The following FEZ1 variants were observed in gnomAD, a reference collection of about 807,000 sequenced individuals.
The protein encoded by FEZ1 is fasciculation and elongation protein zeta 1.
FEZ1 carries 20 observed loss-of-function variants against 49.3 expected under a neutral mutation model. The ratio of observed to expected loss-of-function variants is 0.41; its 90% CI spans 0.29 to 0.59. The LOEUF is 0.59. Ranked by LOEUF, FEZ1 falls within the 20% of genes least tolerant of loss-of-function variation. The probability of loss-of-function intolerance (pLI) is 0.36; values close to 1 mark genes in which losing one functional copy is unlikely to be tolerated. For synonymous variants in FEZ1, 170 were observed against 180.9 expected, an observed-to-expected ratio of 0.94 and a Z score of 0.48; for missense variants, 413 against 476.0, an observed-to-expected ratio of 0.87 and a Z score of 1.23.
intron 2 of FEZ1, among the ~76,000 whole-genome samples, chr11:125,487,747 C>T (rs1957338565): frequency 6.6e-6 from 1 of 152,196 alleles, no homozygotes; most frequent in South Asian, 2.1e-4. Context: ...GCTATTATCA[C>T]TCATCTAGTT....
At position 125,489,280 on chromosome 11, in the gene FEZ1, T is replaced by A. The variant is rs989311062; in HGVS notation, c.311+187A>T. The A allele has an allele frequency of 7.3e-6, 9 of 1,232,696 alleles. No individual in the cohort carries two copies. The African/African-American group carries it at 1.1e-4, about 15-fold the overall frequency. 76.4% of individuals were successfully genotyped at this position (1,232,696 alleles called of 1,614,324 possible). A position where few individuals can be genotyped will look rare whatever the true frequency, so the allele number is the denominator to read the frequency against. ...CTAAGGTTTCAATTTAAGAAAGTTC[T>A]CCTCAGGGGACTGTAAAGGGACATA... On this transcript the variant is annotated intron_variant, in intron 2 of 9. Transcript: ENST00000278919. This position sits in a 1 kb window ranked among gnomAD's most constrained non-coding sequence, Gnocchi z 4.2.
intron 7 of FEZ1, chr11:125,452,704 A>G (rs1194282964): frequency 8.6e-6 from 3 of 349,958 alleles, no homozygotes; most frequent in South Asian, 1.8e-4. Context: ...AAAGCAGAGA[A>G]TAAATCCAAG....
At chr11:125,481,751 T>C (rs1171548441) in intron 2 of FEZ1, 118 bp from the exon 3 acceptor site, 4 of 759,262 alleles carry the variant, frequency 5.3e-6, no homozygotes, top group Admixed American at 2.0e-5. Flanking sequence ...TGAGATCATC[T>C]GCCTTCCAGC....
intron 3 of FEZ1, among the ~76,000 whole-genome samples, chr11:125,476,128 G>C (rs1957230488): frequency 6.6e-6 from 1 of 152,202 alleles, no homozygotes; most frequent in East Asian, 1.9e-4. Flanking sequence ...GCAGATAAGT[G>C]GTTGCCCAGA....
intron 2 of FEZ1, among the ~76,000 whole-genome samples, chr11:125,485,298 G>GA: frequency 6.6e-6 from 1 of 152,178 alleles, no homozygotes; most frequent in East Asian, 1.9e-4. Context: ...GCCACAGAGA[G>GA]CAGGGGCTTT....
intron 7 of FEZ1, 54 bp from the exon 8 acceptor site, chr11:125,452,463 G>T (rs765413775): frequency 2.5e-6 from 3 of 1,209,226 alleles, no homozygotes; most frequent in Non-Finnish European, 3.7e-6. Flanking sequence ...GCTTCCTCTG[G>T]GTTGAGATTT....
At chr11:125,454,089 G>T in intron 7 of FEZ1, 41 bp downstream of exon 7, 1 of 1,451,004 alleles carries the variant, frequency 6.9e-7, no homozygotes, top group Admixed American at 1.8e-5. Flanking sequence ...CAAGCTGCAG[G>T]AGTCTAGGAA....
At chr11:125,474,194 T>A (rs1481930703) in intron 3 of FEZ1, among the ~76,000 whole-genome samples, 2 of 60,074 alleles carry the variant, frequency 3.3e-5, no homozygotes, top group Non-Finnish European at 1.1e-4. Flanking sequence ...CAGGCTAATT[T>A]TTTTTTTTTT....
chr11:125,480,650 A>G (rs756780133), intron 3 of FEZ1, among the ~76,000 whole-genome samples: 1 of 152,082 alleles, frequency 6.6e-6, no homozygotes, highest in Non-Finnish European at 1.5e-5. Flanking sequence ...TTTTTAAACC[A>G]CCATTATTTG....
At chr11:125,458,692 T>C (rs573839541) in intron 5 of FEZ1, among the ~76,000 whole-genome samples, 1 of 152,336 alleles carries the variant, frequency 6.6e-6, no homozygotes, top group South Asian at 2.1e-4. Flanking sequence ...TACATTAAAT[T>C]ATTGTCATGG....
intron 5 of FEZ1, 82 bp downstream of exon 5, chr11:125,460,416 G>T: frequency 1.6e-6 from 2 of 1,265,868 alleles, no homozygotes; most frequent in Non-Finnish European, 2.2e-6. Flanking sequence ...GGTTCTATTA[G>T]CCATGTACAA....
At chr11:125,480,832 G>T (rs575980551) in intron 3 of FEZ1, among the ~76,000 whole-genome samples, 2 of 152,230 alleles carry the variant, frequency 1.3e-5, no homozygotes, top group African/African-American at 4.8e-5. Flanking sequence ...GGGGTCAGGA[G>T]ATCAAGACCA....
chr11:125,493,670 T>G (rs1372820714), intron 1 of FEZ1, among the ~76,000 whole-genome samples: 3 of 152,250 alleles, frequency 2.0e-5, no homozygotes, highest in African/African-American at 7.2e-5. Flanking sequence ...TTTTAGCATC[T>G]TTTTTACTAA....
chr11:125,447,443 G>A (rs184620750), intron 9 of FEZ1, among the ~76,000 whole-genome samples: 1 of 152,268 alleles, frequency 6.6e-6, no homozygotes, highest in Non-Finnish European at 1.5e-5. Flanking sequence ...GCAACCTACT[G>A]ATCTTTATTG....
intron 2 of FEZ1, among the ~76,000 whole-genome samples, chr11:125,482,974 T>TA (rs56169482): frequency 0.08 from 2,305 of 28,806 alleles, 175 homozygotes; most frequent in Middle Eastern, 0.12. Context: ...CAAGACACTG[T>TA]AAAAAAAAAA....
chr11:125,478,535 C>T (rs1429676219), intron 3 of FEZ1, among the ~76,000 whole-genome samples: 2 of 152,160 alleles, frequency 1.3e-5, no homozygotes, highest in Non-Finnish European at 2.9e-5. Flanking sequence ...ATTCAGCATG[C>T]CAAGCGCTTT....
At chr11:125,459,306 T>C (rs1827292643) in intron 5 of FEZ1, among the ~76,000 whole-genome samples, 3 of 151,886 alleles carry the variant, frequency 2.0e-5, no homozygotes, top group Non-Finnish European at 4.4e-5. Flanking sequence ...AAAATAGTTT[T>C]CTAGGCCGGG....
rs1565307273 is a variant in FEZ1, at chr11:125,493,489, G to GAAA, written c.-46+2631_-46+2632insTTT. 7.2e-4 allele frequency among the ~76,000 whole-genome samples: 36 copies of GAAA among 49,678 alleles called. 1 individual carries two copies. The highest frequency in any genetic ancestry group is 2.3e-3 in the South Asian group (3 of 1,306). 32.6% of individuals were successfully genotyped at this position (49,678 alleles called of 152,430 possible). ...AGGAAAGAAGGAAAGAAGGAAAGAAGGAAAGAAAGAAAGAAAGAGAGAAAG... is the reference window on the plus strand; with the variant it reads ...AGGAAAGAAGGAAAGAAGGAAAGAAGAAAGAAAGAAAGAAAGAAAGAGAGAAAG... On this transcript the variant is annotated intron_variant, in intron 1 of 9. Transcript: ENST00000278919.
chr11:125,477,064 A>G (rs1268178645), intron 3 of FEZ1, among the ~76,000 whole-genome samples: 1 of 152,186 alleles, frequency 6.6e-6, no homozygotes, highest in Non-Finnish European at 1.5e-5. Flanking sequence ...TGTTTTCAAG[A>G]AAAAAACATG....
Sources: gnomAD v4.1 joint callset for allele counts (sites outside exome capture counted in the v4.1 genomes callset) on GRCh38, gnomAD v4.1.1 for gene constraint, Gnocchi (gnomAD v3.1) non-coding constraint, MANE v1.5 for transcripts, NCBI Gene and HGNC (gene_info 2026-07-23, HGNC 2026-07-21) for gene names.